Variants in MSH4 observed in about 807,000 individuals in gnomAD.
MSH4 encodes the protein mutS homolog 4.
MSH4 carries 106 observed loss-of-function variants against 113.7 expected under a neutral mutation model. That is an observed-to-expected ratio of 0.93 (90% CI 0.80 to 1.10). The LOEUF (loss-of-function observed/expected upper bound fraction) is 1.10. Among genes scored for constraint, MSH4 ranks in the 50% least tolerant of loss-of-function variants. The pLI is 0.00. For missense variants in MSH4, 1,061 were observed against 1,093.7 expected, an observed-to-expected ratio of 0.97 and a Z score of 0.42; for synonymous variants, 368 against 380.2, an observed-to-expected ratio of 0.97 and a Z score of 0.37.
At chr1:75,880,211 T>A in intron 13 of MSH4, 58 bp downstream of exon 13, 2 of 895,796 alleles carry the variant, frequency 2.2e-6, no homozygotes, top group Non-Finnish European at 3.5e-6. Flanking sequence ...TGAGAAACTG[T>A]TACAATTGTA....
At chr1:75,904,538 A>T (rs1652579748) in intron 19 of MSH4, among the ~76,000 whole-genome samples, 1 of 143,884 alleles carries the variant, frequency 7.0e-6, no homozygotes. Flanking sequence ...TTTTGACAGG[A>T]TCTTGTTCTG....
intron 7 of MSH4, among the ~76,000 whole-genome samples, chr1:75,833,569 C>T (rs1171839390): frequency 2.6e-5 from 4 of 152,124 alleles, no homozygotes; most frequent in East Asian, 1.9e-4. Context: ...AACAGCATGG[C>T]ACTGGTACCA....
intron 6 of MSH4, among the ~76,000 whole-genome samples, chr1:75,817,315 A>G (rs1650313504): frequency 6.6e-6 from 1 of 152,222 alleles, no homozygotes; most frequent in African/African-American, 2.4e-5. Flanking sequence ...AGGGAACTAC[A>G]AATCAAAACC....
intron 4 of MSH4, among the ~76,000 whole-genome samples, chr1:75,814,780 G>T (rs1381016250): frequency 6.6e-6 from 1 of 151,924 alleles, no homozygotes; most frequent in Non-Finnish European, 1.5e-5. Context: ...TTTTATTATT[G>T]TATCTAACAT....
intron 8 of MSH4, among the ~76,000 whole-genome samples, chr1:75,860,297 C>T (rs2100555543): frequency 6.6e-6 from 1 of 152,224 alleles, no homozygotes; most frequent in African/African-American, 2.4e-5. Context: ...GAATTTGATC[C>T]TGTCATCATG....
At chr1:75,855,624 A>G (rs1303620229) in intron 8 of MSH4, among the ~76,000 whole-genome samples, 1 of 152,096 alleles carries the variant, frequency 6.6e-6, no homozygotes, top group African/African-American at 2.4e-5. Context: ...CACAACGCCA[A>G]TCTGTGTTTC....
At chr1:75,851,627 C>G (rs960156056) in intron 8 of MSH4, among the ~76,000 whole-genome samples, 3 of 152,098 alleles carry the variant, frequency 2.0e-5, no homozygotes, top group African/African-American at 7.2e-5. Flanking sequence ...CCAGGCTGGT[C>G]TCAAACTCCT....
chr1:75,865,155 C>T (rs1211612560), intron 8 of MSH4, among the ~76,000 whole-genome samples: 2 of 152,060 alleles, frequency 1.3e-5, no homozygotes, highest in African/African-American at 4.8e-5. Flanking sequence ...CACTCCCTTG[C>T]TTGTTTTTGC....
chr1:75,808,642 G>A (rs1650119688), intron 3 of MSH4, among the ~76,000 whole-genome samples: 1 of 152,140 alleles, frequency 6.6e-6, no homozygotes. Flanking sequence ...TGGCATTTGA[G>A]ATTGTGTCTT....
In MSH4 at chr1:75,899,600, TAAAAC is replaced by T. The variant is rs760251728; in HGVS notation, c.2531-14_2531-10del. 1 of 1,441,120 alleles carries T rather than the reference TAAAAC, an allele frequency of 6.9e-7. No homozygotes were observed. 89.3% of individuals were successfully genotyped at this position (1,441,120 alleles called of 1,614,324 possible). On this transcript the variant is annotated splice_polypyrimidine_tract_variant and intron_variant, in intron 18 of 19. Coordinates refer to ENST00000263187, the MANE Select transcript of MSH4 (RefSeq NM_002440.4). ...GCAGTAACAATATTGAAGCCAAATT[TAAAAC>T]AAATAATTCTAGGATTAAAAGCTGC... is the stretch of plus-strand genomic sequence containing the variant.
At chr1:75,876,548 A>G (rs1651821242) in intron 9 of MSH4, among the ~76,000 whole-genome samples, 1 of 152,164 alleles carries the variant, frequency 6.6e-6, no homozygotes, top group South Asian at 2.1e-4. Flanking sequence ...TGCTCTATTT[A>G]TGAATATACA....
chr1:75,869,966 C>A lies in MSH4; in HGVS notation c.1305+2378C>A, dbSNP rs934230769. ...AGATTGCACCATGCACCTGGAAAAGCCACAGACACTCAACACCAGCCTTAA... is the reference window on the plus strand; with the variant it reads ...AGATTGCACCATGCACCTGGAAAAGACACAGACACTCAACACCAGCCTTAA... On this transcript the variant is annotated intron_variant, in intron 9 of 19. Transcript: ENST00000263187. Among the ~76,000 whole-genome samples, 3 of 152,306 alleles carry A rather than the reference C, an allele frequency of 2.0e-5. No homozygotes were observed. The East Asian group carries it at 5.8e-4, about 29-fold the overall frequency.
intron 19 of MSH4, among the ~76,000 whole-genome samples, chr1:75,903,060 T>G (rs1309114016): frequency 5.9e-5 from 9 of 151,712 alleles, no homozygotes; most frequent in Admixed American, 5.3e-4. Flanking sequence ...TGTAATTATA[T>G]AAGTGTATTT....
chr1:75,900,827 GAAGAAGCTCTT>G (rs1652491499), intron 19 of MSH4, among the ~76,000 whole-genome samples: 1 of 151,978 alleles, frequency 6.6e-6, no homozygotes, highest in African/African-American at 2.4e-5. Context: ...TCTGTACTCT[GAAGAAGCTCTT>G]ATTACCTAAC....
chr1:75,893,372 T>C (rs575628833), intron 17 of MSH4, among the ~76,000 whole-genome samples: 1 of 152,258 alleles, frequency 6.6e-6, no homozygotes, highest in East Asian at 1.9e-4. Flanking sequence ...CTTTATAGGG[T>C]ATCTCCTGTT....
At chr1:75,832,374 C>T (rs34486572) in intron 7 of MSH4, among the ~76,000 whole-genome samples, 38,021 of 152,094 alleles carry the variant, frequency 0.25, 6,216 homozygotes, top group East Asian at 0.67. Context: ...GAGCTGGTAC[C>T]ATTCCCTCTG....
At chr1:75,910,973 G>T (rs560123329) in intron 19 of MSH4, among the ~76,000 whole-genome samples, 41 of 151,680 alleles carry the variant, frequency 2.7e-4, no homozygotes, top group South Asian at 6.3e-4. Flanking sequence ...TATGTAGTTT[G>T]CCTACTCAGA....
chr1:75,810,976 A>T (rs1452243933), intron 4 of MSH4, among the ~76,000 whole-genome samples, 169 bp downstream of exon 4: 1 of 152,098 alleles, frequency 6.6e-6, no homozygotes, highest in African/African-American at 2.4e-5. Flanking sequence ...AGTTCGAGTG[A>T]TTCTCCTGCC....
Position 75,884,849 on chromosome 1 carries a change from A to G in MSH4, c.2107+1028A>G, listed in dbSNP as rs1181156315. On this transcript the variant is annotated intron_variant, in intron 15 of 19. Transcript: ENST00000263187. ...TTTATTGATTTTGTAGGTTTATTGG[A>G]ATTAAAAGGACATTTTAGCTAATTT... Among the ~76,000 whole-genome samples, 4 of 151,796 alleles carry G rather than the reference A, an allele frequency of 2.6e-5. No homozygotes were observed. In the Admixed American group the frequency reaches 2.6e-4, roughly 10 times the overall value.
Sources: allele counts gnomAD v4.1 joint callset (sites outside exome capture counted in the v4.1 genomes callset), GRCh38; gene constraint gnomAD v4.1.1; transcripts MANE v1.5; gene names NCBI Gene and HGNC (gene_info 2026-07-23, HGNC 2026-07-21).